BMP5: variants seen among roughly 807,000 people sequenced by gnomAD.
BMP5 encodes bone morphogenetic protein 5.
A neutral mutation model predicts 46.6 loss-of-function variants in BMP5; 23 were observed. The ratio of observed to expected loss-of-function variants is 0.49; its 90% confidence interval spans 0.35 to 0.70. The LOEUF (loss-of-function observed/expected upper bound fraction) is 0.70, where lower values mean the gene tolerates loss of function less well. Among genes scored for constraint, BMP5 ranks in the 30% least tolerant of loss-of-function variants. BMP5 has a pLI of 0.00. For missense variants in BMP5, 545 were observed against 565.6 expected (o/e 0.96, Z 0.37); for synonymous variants, 204 against 191.9 (o/e 1.06, Z -0.52).
chr6:55,755,275 C>G lies in BMP5; in HGVS notation c.*258G>C. On this transcript the variant is annotated 3_prime_UTR_variant, in exon 7 of 7. Transcript: ENST00000370830. The stretch of plus-strand genomic sequence containing the variant: ...GGAATTGAATGGACTCAGCATAACC[C>G]ATTGAAAATTATACTAGATGATCTA... The G allele has an allele frequency of 3.0e-6, 1 of 334,386 alleles. No homozygotes were observed. Among genetic ancestry groups the G allele is most frequent in the Non-Finnish European group, 5.5e-6 (1 of 182,692 alleles). The allele number at this position is 334,386 out of a possible 1,614,324, so 20.7% of individuals were successfully genotyped here.
At chr6:55,845,870 T>C (rs1457116008) in intron 1 of BMP5, among the ~76,000 whole-genome samples, 2 of 151,966 alleles carry the variant, frequency 1.3e-5, no homozygotes, top group African/African-American at 4.8e-5. Context: ...AGGAAGGTAT[T>C]TGGGAACAAG....
intron 1 of BMP5, among the ~76,000 whole-genome samples, chr6:55,828,783 A>G (rs572489679): frequency 5.7e-4 from 87 of 151,912 alleles, no homozygotes; most frequent in African/African-American, 2.0e-3. Context: ...CACAGTTTGT[A>G]TAGTTTAAAG....
rs151228160 is a variant in BMP5, at chr6:55,801,057, T to C, written c.684-6630A>G. The stretch of plus-strand genomic sequence containing the variant: ...TCATTTCACAAATCCATCTATCTAT[T>C]AATTCATTTATTCACTTTTTCAATT... On this transcript the variant is annotated intron_variant, in intron 2 of 6. Coordinates refer to ENST00000370830, the MANE Select transcript of BMP5 (RefSeq NM_021073.4). Among the ~76,000 whole-genome samples the C allele has an allele frequency of 6.8e-3, 1,036 of 152,316 alleles. 13 individuals are homozygous for C. Among genetic ancestry groups the C allele is most frequent in the African/African-American group, 0.023 (976 of 41,580 alleles).
At chr6:55,849,065 T>C (rs2015983218) in intron 1 of BMP5, among the ~76,000 whole-genome samples, 1 of 152,042 alleles carries the variant, frequency 6.6e-6, no homozygotes, top group Admixed American at 6.6e-5. Flanking sequence ...TATTTGAAGA[T>C]AACAATTAGC....
At chr6:55,831,416 C>T (rs1371064254) in intron 1 of BMP5, among the ~76,000 whole-genome samples, 1 of 151,686 alleles carries the variant, frequency 6.6e-6, no homozygotes, top group Non-Finnish European at 1.5e-5. Flanking sequence ...TTGGAGGAAC[C>T]TACTAAAAAA....
At chr6:55,845,639 C>T (rs568157808) in intron 1 of BMP5, among the ~76,000 whole-genome samples, 95 of 152,012 alleles carry the variant, frequency 6.2e-4, no homozygotes, top group African/African-American at 2.1e-3. Flanking sequence ...AGTTGAACCA[C>T]CATAAAAGAA....
At chr6:55,843,062 G>A (rs1197050591) in intron 1 of BMP5, among the ~76,000 whole-genome samples, 1 of 151,968 alleles carries the variant, frequency 6.6e-6, no homozygotes, top group East Asian at 1.9e-4. Context: ...AGATTCTTAT[G>A]AAAACTTTAC....
chr6:55,818,943 TAGAC>T lies in BMP5; in HGVS notation c.683+708_683+711del, dbSNP rs559321111. The stretch of plus-strand genomic sequence containing the variant: ...CATGAGAGATAGATAGATAGATAGA[TAGAC>T]AGACAGACAGACAGACAGACAGACA... On this transcript the variant is annotated intron_variant, in intron 2 of 6. Transcript: ENST00000370830. Among the ~76,000 whole-genome samples, 581 of 150,872 alleles carry T rather than the reference TAGAC, an allele frequency of 3.9e-3. 3 individuals are homozygous for T. The highest frequency in any genetic ancestry group is 0.01 in the Middle Eastern group (3 of 288).
chr6:55,813,786 CAAA>C (rs148453962), intron 2 of BMP5, among the ~76,000 whole-genome samples: 4 of 123,710 alleles, frequency 3.2e-5, no homozygotes, highest in Non-Finnish European at 1.8e-5. Flanking sequence ...GACACCGTCT[CAAA>C]AAAAAAAAAA....
At chr6:55,818,943 T>TAGATAGATAGATAGAC (rs1554183645) in intron 2 of BMP5, among the ~76,000 whole-genome samples, 28 of 150,892 alleles carry the variant, frequency 1.9e-4, no homozygotes, top group African/African-American at 6.4e-4. Context: ...GATAGATAGA[T>TAGATAGATAGATAGAC]AGACAGACAG....
chr6:55,830,208 T>A (rs910520900), intron 1 of BMP5, among the ~76,000 whole-genome samples: 2 of 152,084 alleles, frequency 1.3e-5, no homozygotes, highest in Non-Finnish European at 2.9e-5. Flanking sequence ...GAGAGTTACT[T>A]CAGAACATAT....
chr6:55,852,551 A>G (rs1777271592), intron 1 of BMP5, among the ~76,000 whole-genome samples: 1 of 152,078 alleles, frequency 6.6e-6, no homozygotes, highest in Admixed American at 6.6e-5. Context: ...TATTTTCATC[A>G]TAGTCTCTGA....
At chr6:55,811,905 A>G (rs1776145555) in intron 2 of BMP5, among the ~76,000 whole-genome samples, 1 of 152,130 alleles carries the variant, frequency 6.6e-6, no homozygotes, top group Admixed American at 6.6e-5. Context: ...TTCTTAGCAC[A>G]TTGTATTATA....
chr6:55,831,318 CACAG>C (rs1390741458), intron 1 of BMP5, among the ~76,000 whole-genome samples: 1 of 152,154 alleles, frequency 6.6e-6, no homozygotes, highest in African/African-American at 2.4e-5. Context: ...ATTAAATAAG[CACAG>C]ACAACCAATT....
intron 4 of BMP5, among the ~76,000 whole-genome samples, chr6:55,763,398 G>T (rs1179292167): frequency 2.6e-5 from 4 of 152,146 alleles, no homozygotes; most frequent in Non-Finnish European, 4.4e-5. Context: ...ACAGAATCTG[G>T]TTCCAAGAGT....
intron 1 of BMP5, among the ~76,000 whole-genome samples, chr6:55,858,896 T>C (rs1387534597): frequency 6.6e-6 from 1 of 152,182 alleles, no homozygotes; most frequent in Admixed American, 6.5e-5. Context: ...ATGTTTTCAC[T>C]CATAAGTGGG....
intron 1 of BMP5, among the ~76,000 whole-genome samples, chr6:55,835,215 G>A (rs549165904): frequency 2.8e-4 from 42 of 151,904 alleles, no homozygotes; most frequent in Admixed American, 6.6e-4. Flanking sequence ...AGATATTATC[G>A]AAAAATACTT....
At chr6:55,796,001 C>T (rs1300242860) in intron 2 of BMP5, among the ~76,000 whole-genome samples, 4 of 152,126 alleles carry the variant, frequency 2.6e-5, no homozygotes, top group Non-Finnish European at 5.9e-5. Flanking sequence ...ATTGAAAAAT[C>T]CTCCAAATAA....
At chr6:55,810,409 G>T (rs1776100501) in intron 2 of BMP5, among the ~76,000 whole-genome samples, 1 of 151,988 alleles carries the variant, frequency 6.6e-6, no homozygotes, top group South Asian at 2.1e-4. Context: ...TTTTTTAATT[G>T]CCAAGACATT....
Sources: allele counts gnomAD v4.1 joint callset (sites outside exome capture counted in the v4.1 genomes callset), GRCh38; gene constraint gnomAD v4.1.1; transcripts MANE v1.5; gene names NCBI Gene and HGNC (gene_info 2026-07-23, HGNC 2026-07-21).